Variants in C1QTNF7 observed in about 807,000 individuals in gnomAD.
C1QTNF7 encodes C1q and TNF related 7, also known as complement C1q tumor necrosis factor-related protein 7.
In C1QTNF7, 15 loss-of-function variants were observed where a neutral mutation model predicts 19.6. The ratio of observed to expected loss-of-function variants is 0.76; its 90% CI spans 0.51 to 1.18. The LOEUF is 1.18. Among genes scored for constraint, C1QTNF7 ranks in the 50% most tolerant of loss-of-function variants. The probability of loss-of-function intolerance (pLI) is 0.00; values close to 1 mark genes in which losing one functional copy is unlikely to be tolerated. For synonymous variants in C1QTNF7, 142 were observed against 137.5 expected, an observed-to-expected ratio of 1.03 and a Z score of -0.23; for missense variants, 324 against 359.7, an observed-to-expected ratio of 0.90 and a Z score of 0.80.
intron 1 of C1QTNF7, among the ~76,000 whole-genome samples, chr4:15,356,538 G>C (rs1717152816): frequency 6.6e-6 from 1 of 152,164 alleles, no homozygotes; most frequent in Non-Finnish European, 1.5e-5. Flanking sequence ...TTGCTATTGT[G>C]AATAGTGCTG....
intron 1 of C1QTNF7, among the ~76,000 whole-genome samples, chr4:15,347,188 G>C (rs906056061): frequency 2.6e-5 from 4 of 152,154 alleles, no homozygotes; most frequent in Admixed American, 6.5e-5. Context: ...ATGGAATGGT[G>C]CCCAAATAGA....
chr4:15,353,613 G>A (rs1471662316), intron 1 of C1QTNF7, among the ~76,000 whole-genome samples: 1 of 152,148 alleles, frequency 6.6e-6, no homozygotes, highest in African/African-American at 2.4e-5. Context: ...AAAGGAAAGA[G>A]GGGCATTTTC....
chr4:15,437,278 C>T (rs548200961), intron 2 of C1QTNF7, among the ~76,000 whole-genome samples: 2 of 151,928 alleles, frequency 1.3e-5, no homozygotes, highest in South Asian at 4.2e-4. Context: ...CTTTCAGTTA[C>T]TAATCTAGTA....
intron 1 of C1QTNF7, among the ~76,000 whole-genome samples, chr4:15,387,856 T>A (rs958238833): frequency 9.9e-5 from 15 of 152,186 alleles, no homozygotes; most frequent in Non-Finnish European, 1.8e-4. Context: ...ATTACATATA[T>A]ATAGATATAC....
chr4:15,346,892 G>A (rs140083010), intron 1 of C1QTNF7, among the ~76,000 whole-genome samples: 68 of 152,162 alleles, frequency 4.5e-4, no homozygotes, highest in African/African-American at 6.3e-4. Flanking sequence ...ATACCAACAC[G>A]CAGTGAACTC....
Position 15,442,818 on chromosome 4 carries a change from T to C in C1QTNF7, c.*19T>C. Reference sequence around the variant, plus strand: ...ATTGTGATCAGGACCAAGATCCCTGTGGTAAACACTCTGATTGAATCTGGG... The same window carrying C: ...ATTGTGATCAGGACCAAGATCCCTGCGGTAAACACTCTGATTGAATCTGGG... On this transcript the variant is annotated 3_prime_UTR_variant, in exon 3 of 3. Transcript: ENST00000444304. The C allele has an allele frequency of 6.4e-7, 1 of 1,567,142 alleles. No homozygotes were observed. The highest frequency in any genetic ancestry group is 8.6e-7 in the Non-Finnish European group (1 of 1,159,552).
chr4:15,384,218 A>C (rs995264029), intron 1 of C1QTNF7, among the ~76,000 whole-genome samples: 6 of 152,166 alleles, frequency 3.9e-5, no homozygotes, highest in Admixed American at 6.5e-5. Context: ...GAGCTGATTA[A>C]ATGAGTGCTG....
At chr4:15,368,598 T>C (rs984619843) in intron 1 of C1QTNF7, among the ~76,000 whole-genome samples, 5 of 152,234 alleles carry the variant, frequency 3.3e-5, no homozygotes, top group Non-Finnish European at 5.9e-5. Flanking sequence ...GCTTCATCCA[T>C]GTCCCTACAA....
At chr4:15,398,876 C>A (rs539308006) in intron 1 of C1QTNF7, among the ~76,000 whole-genome samples, 3 of 152,158 alleles carry the variant, frequency 2.0e-5, no homozygotes, top group Non-Finnish European at 4.4e-5. Context: ...ATGACTCCAC[C>A]TTTTGACTTG....
Position 15,435,848 on chromosome 4 carries a change from C to A in C1QTNF7, c.105C>A (p.Ser35Arg). The A allele has an allele frequency of 6.2e-7, 1 of 1,614,152 alleles. No individual in the cohort carries two copies. Among genetic ancestry groups the A allele is most frequent in the Non-Finnish European group, 8.5e-7 (1 of 1,180,030 alleles). ...GENYSPRYIC[S>R]IPGLPGPPGP... is the part of the protein sequence containing the mutation. Reference sequence around the variant, plus strand: ...ACTACTCCCCCAGGTATATCTGCAGCATTCCTGGCTTGCCTGGACCTCCAG... The same window carrying A: ...ACTACTCCCCCAGGTATATCTGCAGAATTCCTGGCTTGCCTGGACCTCCAG... The change falls in exon 2 of 3, where the codon AGC becomes AGA. Residue 35 changes from serine to arginine, a missense_variant. Transcript: ENST00000444304.
chr4:15,415,899 C>T (rs987545558), intron 1 of C1QTNF7, among the ~76,000 whole-genome samples: 39 of 152,282 alleles, frequency 2.6e-4, no homozygotes, highest in African/African-American at 8.9e-4. Flanking sequence ...AACTGCAAAA[C>T]AGTCCTTTTG....
intron 1 of C1QTNF7, among the ~76,000 whole-genome samples, chr4:15,431,960 C>T (rs977574789): frequency 1.3e-5 from 2 of 152,212 alleles, no homozygotes; most frequent in East Asian, 1.9e-4. Context: ...GTGTTAAGCA[C>T]GGTGATAAGG....
intron 1 of C1QTNF7, among the ~76,000 whole-genome samples, chr4:15,389,698 T>C (rs982529805): frequency 6.6e-6 from 1 of 152,050 alleles, no homozygotes; most frequent in Non-Finnish European, 1.5e-5. Flanking sequence ...GGATTACAGG[T>C]GTGAGCCACC....
At chr4:15,381,153 C>G (rs1483190882) in intron 1 of C1QTNF7, among the ~76,000 whole-genome samples, 1 of 152,058 alleles carries the variant, frequency 6.6e-6, no homozygotes, top group African/African-American at 2.4e-5. Context: ...CACGGTGGCT[C>G]ACACCTGTAA....
chr4:15,386,234 T>G (rs975617263), intron 1 of C1QTNF7, among the ~76,000 whole-genome samples: 1 of 152,178 alleles, frequency 6.6e-6, no homozygotes, highest in Non-Finnish European at 1.5e-5. Context: ...TGGCCTTGTC[T>G]CTCATGCATG....
At chr4:15,355,640 T>A (rs1437794808) in intron 1 of C1QTNF7, among the ~76,000 whole-genome samples, 1 of 151,968 alleles carries the variant, frequency 6.6e-6, no homozygotes. Context: ...TGGTAGGAGT[T>A]AACTGAGATC....
At chr4:15,423,711 C>T (rs1181061202), upstream of C1QTNF7, among the ~76,000 whole-genome samples, 1 of 152,222 alleles carries the variant, frequency 6.6e-6, no homozygotes. Flanking sequence ...TTGCTCTTTC[C>T]CACTGGCCTC....
Position 15,442,310 on chromosome 4 carries a change from A to G in C1QTNF7, c.381A>G (p.Arg127=), listed in dbSNP as rs781063980. 1.9e-6 allele frequency: 3 copies of G among 1,614,148 alleles called. No homozygotes were observed. The highest frequency in any genetic ancestry group is 2.5e-6 in the Non-Finnish European group (3 of 1,180,036). ...PIGPPGPKGD[R]GEQGDPGLPG... ...GTCCTCCTGGACCAAAGGGAGACAGAGGAGAACAAGGGGACCCGGGGCTGC... is the reference window on the plus strand; with the variant it reads ...GTCCTCCTGGACCAAAGGGAGACAGGGGAGAACAAGGGGACCCGGGGCTGC... Residue 127 remains arginine, a synonymous_variant, in exon 3 of 3, where the codon AGA becomes AGG. Transcript: ENST00000444304.
chr4:15,394,330 C>T (rs1718697419), intron 1 of C1QTNF7, among the ~76,000 whole-genome samples: 3 of 152,204 alleles, frequency 2.0e-5, no homozygotes, highest in Admixed American at 6.5e-5. Flanking sequence ...GTGGCTAAAT[C>T]CAAGACAACC....
Sources: gnomAD v4.1 joint callset for allele counts (sites outside exome capture counted in the v4.1 genomes callset) on GRCh38, gnomAD v4.1.1 for gene constraint, MANE v1.5 for transcripts, NCBI Gene and HGNC (gene_info 2026-07-23, HGNC 2026-07-21) for gene names.